BICRA: variants seen among roughly 807,000 people sequenced by gnomAD.
BICRA encodes BRD4 interacting chromatin remodeling complex associated protein.
A neutral mutation model predicts 96.9 loss-of-function variants in BICRA; 31 were observed. The observed-to-expected ratio is 0.32, with a 90% CI of 0.24 to 0.43. The LOEUF (loss-of-function observed/expected upper bound fraction) is 0.43, where lower values mean the gene tolerates loss of function less well. BICRA is among the 20% of genes least tolerant of loss of function. The pLI is 1.00. For synonymous variants in BICRA, 1,350 were observed against 1,071.8 expected, an observed-to-expected ratio of 1.26 and a Z score of -5.07; for missense variants, 2,283 against 2,190.3, an observed-to-expected ratio of 1.04 and a Z score of -0.84.
chr19:47,621,438 C>T (rs1972063017), intron 1 of BICRA, among the ~76,000 whole-genome samples: 1 of 151,154 alleles, frequency 6.6e-6, no homozygotes, highest in African/African-American at 2.4e-5. Context: ...CTTCCATGGT[C>T]CTGCTTTTGT....
rs1002553107 is a variant in BICRA, at chr19:47,688,787, C to T, written c.2284-5328C>T. 2.2e-5 allele frequency among the ~76,000 whole-genome samples: 3 copies of T among 134,216 alleles called. No homozygotes were observed. The East Asian group carries it at 7.3e-4, about 33-fold the overall frequency. The allele number at this position is 134,216 out of a possible 152,430, so 88.1% of individuals were successfully genotyped here. On this transcript the variant is annotated intron_variant, in intron 7 of 14. Coordinates refer to ENST00000594866, the MANE Select transcript of BICRA (RefSeq NM_001394372.1). ...CAGCCTGGGTGACAGAGCGAGACTCCGTCTCAAAAAAAAAAAATTTTTTTT... is the reference window on the plus strand; with the variant it reads ...CAGCCTGGGTGACAGAGCGAGACTCTGTCTCAAAAAAAAAAAATTTTTTTT...
At chr19:47,663,299 T>A (rs1437418220) in intron 1 of BICRA, 1 of 151,998 alleles carries the variant, frequency 6.6e-6, no homozygotes, top group African/African-American at 2.4e-5. Context: ...GAGGCAGGAG[T>A]CACTTGAACC....
intron 6 of BICRA, 51 bp from the exon 7 acceptor site, chr19:47,681,925 C>G (rs548869258): frequency 1.5e-6 from 2 of 1,316,558 alleles, no homozygotes; most frequent in Non-Finnish European, 1.0e-6. Flanking sequence ...GTGGGGAGGT[C>G]GAGGGCCTGT....
In BICRA at chr19:47,681,016, G is replaced by A; in HGVS notation, c.1846G>A (p.Ala616Thr). ...ATPAAATGEAAPVLTVQPAPQ... is the reference protein window; with the variant it reads ...ATPAAATGEATPVLTVQPAPQ... ...CCCTGCCGCTGCCACCGGGGAGGCC[G>A]CGCCTGTCCTCACGGTGCAGCCTGC... The change falls in exon 6 of 15, where the codon GCG (alanine) becomes ACG (threonine). Residue 616 changes from alanine (A) to threonine (T), a missense_variant. Coordinates refer to ENST00000594866, the MANE Select transcript of BICRA (RefSeq NM_001394372.1). 9 of 1,447,156 alleles carry A rather than the reference G, an allele frequency of 6.2e-6. No individual in the cohort carries two copies. The highest frequency in any genetic ancestry group is 7.2e-6 in the Non-Finnish European group (8 of 1,109,298). The allele number at this position is 1,447,156 out of a possible 1,614,324, so 89.6% of individuals were successfully genotyped here.
At chr19:47,621,646 G>T (rs909834172) in intron 1 of BICRA, among the ~76,000 whole-genome samples, 9 of 151,194 alleles carry the variant, frequency 6.0e-5, no homozygotes, top group African/African-American at 1.9e-4. Context: ...GCTGATTTTT[G>T]TATTTTTAGT....
At chr19:47,621,886 G>T (rs149752987) in intron 1 of BICRA, among the ~76,000 whole-genome samples, 1 of 152,154 alleles carries the variant, frequency 6.6e-6, no homozygotes, top group Non-Finnish European at 1.5e-5. Context: ...CCACCTCCCA[G>T]GTTCAAGCAA....
chr19:47,634,709 A>G (rs986704056), intron 1 of BICRA, among the ~76,000 whole-genome samples: 1 of 151,800 alleles, frequency 6.6e-6, no homozygotes, highest in Non-Finnish European at 1.5e-5. Context: ...CACCTGGGCC[A>G]GATACTTTGG....
rs1971854900 is a variant in BICRA, at chr19:47,609,167, G to A, written c.-109G>A. On this transcript the variant is annotated splice_region_variant and 5_prime_UTR_variant, in exon 1 of 15. Coordinates refer to ENST00000594866, the MANE Select transcript of BICRA (RefSeq NM_001394372.1). Reference sequence around the variant, plus strand: ...CGCGCCGACGGCTGCTCAAACATCAGGGTGAGTTTCTCACAATGTAGCAAT... The same window carrying A: ...CGCGCCGACGGCTGCTCAAACATCAAGGTGAGTTTCTCACAATGTAGCAAT... The A allele has an allele frequency of 6.7e-6, 1 of 150,104 alleles. No homozygotes were observed. The highest frequency in any genetic ancestry group is 2.4e-5 in the African/African-American group (1 of 41,242). 9.3% of individuals were successfully genotyped at this position (150,104 alleles called of 1,614,324 possible). A position where few individuals can be genotyped will look rare whatever the true frequency, so the allele number is the denominator to read the frequency against.
intron 11 of BICRA, among the ~76,000 whole-genome samples, chr19:47,697,498 G>A (rs1220432814): frequency 6.6e-6 from 1 of 151,542 alleles, no homozygotes; most frequent in East Asian, 2.0e-4. Flanking sequence ...TGTTTTTGGA[G>A]ACGAAGTCTC....
rs966782739 is a variant in BICRA at position 47,702,798 on chromosome 19, C to G, written c.*383C>G. 3.9e-6 allele frequency: 1 copy of G among 254,424 alleles called. No individual in the cohort carries two copies. Among genetic ancestry groups the G allele is most frequent in the Non-Finnish European group, 7.4e-6 (1 of 134,562 alleles). The allele number at this position is 254,424 out of a possible 1,614,324, so 15.8% of individuals were successfully genotyped here. A position where few individuals can be genotyped will look rare whatever the true frequency, so the allele number is the denominator to read the frequency against. On this transcript the variant is annotated 3_prime_UTR_variant, in exon 15 of 15. Coordinates refer to ENST00000594866, the MANE Select transcript of BICRA (RefSeq NM_001394372.1). Reference sequence around the variant, plus strand: ...GGTGCCTGTCTTGTCTGTGTGGCTTCTCAGATGGTGGAGGGTGCTGGGAGC... The same window carrying G: ...GGTGCCTGTCTTGTCTGTGTGGCTTGTCAGATGGTGGAGGGTGCTGGGAGC...
intron 1 of BICRA, among the ~76,000 whole-genome samples, chr19:47,636,709 T>C (rs1363511363): frequency 1.3e-5 from 2 of 152,186 alleles, no homozygotes; most frequent in African/African-American, 4.8e-5. Flanking sequence ...TATTTCACCA[T>C]GTTGGCCAGG....
intron 1 of BICRA, among the ~76,000 whole-genome samples, chr19:47,635,544 C>T (rs1245451318): frequency 6.6e-6 from 1 of 152,142 alleles, no homozygotes; most frequent in Non-Finnish European, 1.5e-5. Context: ...TGAGCCACTG[C>T]ACCTGTTTCT....
intron 1 of BICRA, among the ~76,000 whole-genome samples, chr19:47,668,835 C>A (rs1271470286): frequency 6.6e-6 from 1 of 151,464 alleles, no homozygotes; most frequent in Non-Finnish European, 1.5e-5. Flanking sequence ...AAAATGGCTC[C>A]TAGGCCAGGC....
rs937368053 is a variant in BICRA, at chr19:47,620,928, A to G, written c.-108+11760A>G. 3.9e-5 allele frequency among the ~76,000 whole-genome samples: 6 copies of G among 152,156 alleles called. 1 individual carries two copies. In the South Asian group the frequency reaches 6.2e-4, roughly 16 times the overall value. ...GGCCTGTCATCCAGTCAAGGCGGCC[A>G]TGGGTCTTGGAGCCCCACTCGATCT... On this transcript the variant is annotated intron_variant, in intron 1 of 14. Transcript: ENST00000594866.
At chr19:47,696,334 C>G in intron 10 of BICRA, 117 bp from the exon 11 acceptor site, 3 of 898,506 alleles carry the variant, frequency 3.3e-6, no homozygotes, top group African/African-American at 1.7e-5. Context: ...GCCAGGCCCC[C>G]ACCTGGGTGA....
chr19:47,702,419 C>A lies in BICRA; in HGVS notation c.*4C>A. On this transcript the variant is annotated 3_prime_UTR_variant, in exon 15 of 15. Coordinates refer to ENST00000594866, the MANE Select transcript of BICRA (RefSeq NM_001394372.1). ...CGCCAGGACGTTGACCAGATAACAC[C>A]GGGCCGCCTCCCCTTCCCCGTCCCC... 6.7e-7 allele frequency: 1 copy of A among 1,485,802 alleles called. No individual in the cohort carries two copies. Among genetic ancestry groups the A allele is most frequent in the Non-Finnish European group, 8.8e-7 (1 of 1,133,982 alleles). The allele number at this position is 1,485,802 out of a possible 1,614,324, so 92.0% of individuals were successfully genotyped here.
At position 47,702,152 on chromosome 19, in the gene BICRA, C is replaced by T. The variant is rs1215558782; in HGVS notation, c.4420C>T (p.Arg1474Trp). 2.6e-6 allele frequency: 4 copies of T among 1,555,328 alleles called. No individual in the cohort carries two copies. The highest frequency in any genetic ancestry group is 3.5e-6 in the Non-Finnish European group (4 of 1,158,754). ...WEAPGLPPAK[R>W]RKSESPDVDQ... ...GGCGCCCGGGCTGCCCCCTGCCAAG[C>T]GGCGCAAGTCCGAGTCGCCCGACGT... is the stretch of plus-strand genomic sequence containing the variant. Residue 1474 changes from arginine to tryptophan, a missense_variant, in exon 15 of 15, where the codon CGG (arginine) becomes TGG (tryptophan). Physicochemically the swap from Arg to Trp is moderately radical, Grantham distance 101. Transcript: ENST00000594866.
chr19:47,697,063 A>G (rs144545191), intron 11 of BICRA, among the ~76,000 whole-genome samples: 4 of 152,054 alleles, frequency 2.6e-5, no homozygotes, highest in African/African-American at 9.6e-5. Context: ...CTAGAGTGCA[A>G]TGGCACAATA....
chr19:47,676,784 T>G (rs1464767189), intron 5 of BICRA, among the ~76,000 whole-genome samples: 1 of 151,954 alleles, frequency 6.6e-6, no homozygotes, highest in African/African-American at 2.4e-5. Context: ...AATGTTGGTC[T>G]ATTTACAGGC....
Sources: allele counts gnomAD v4.1 joint callset (sites outside exome capture counted in the v4.1 genomes callset), GRCh38; gene constraint gnomAD v4.1.1; transcripts MANE v1.5; gene names NCBI Gene and HGNC (gene_info 2026-07-23, HGNC 2026-07-21).